The following TEK variants were observed in gnomAD, a reference collection of about 807,000 sequenced individuals.
TEK encodes TEK receptor tyrosine kinase, also known as angiopoietin-1 receptor.
Under a neutral mutation model 131.8 loss-of-function variants are expected in TEK, and 43 were observed. The observed-to-expected ratio is 0.33, with a 90% CI of 0.26 to 0.42. The LOEUF (loss-of-function observed/expected upper bound fraction) is 0.42. Among genes scored for constraint, TEK ranks in the 10% least tolerant of loss-of-function variants. The pLI is 1.00. For missense variants in TEK, 1,162 were observed against 1,384.4 expected (o/e 0.84, Z 2.55); for synonymous variants, 580 against 491.6 (o/e 1.18, Z -2.38).
intron 1 of TEK, among the ~76,000 whole-genome samples, chr9:27,149,566 A>T (rs979840785): frequency 6.6e-6 from 1 of 152,160 alleles, no homozygotes; most frequent in East Asian, 1.9e-4. Context: ...AATTTCTTCC[A>T]TTATAGACTC....
intron 1 of TEK, among the ~76,000 whole-genome samples, chr9:27,141,042 C>T (rs1487845052): frequency 6.6e-6 from 1 of 151,668 alleles, no homozygotes; most frequent in South Asian, 2.1e-4. Flanking sequence ...GATTTTTGTT[C>T]TAAGTGAATG....
chr9:27,150,923 C>T (rs1479745305), intron 1 of TEK, among the ~76,000 whole-genome samples: 4 of 152,086 alleles, frequency 2.6e-5, no homozygotes, highest in Non-Finnish European at 4.4e-5. Flanking sequence ...ACAAGGGTGC[C>T]ATTTGGCTGG....
At chr9:27,116,298 T>TC (rs1564033140) in intron 1 of TEK, among the ~76,000 whole-genome samples, 1 of 152,128 alleles carries the variant, frequency 6.6e-6, no homozygotes, top group African/African-American at 2.4e-5. Context: ...AAAGGAAGTT[T>TC]TTTTTTTTGA....
chr9:27,136,596 G>C (rs1047743950), intron 1 of TEK, among the ~76,000 whole-genome samples: 21 of 152,256 alleles, frequency 1.4e-4, no homozygotes, highest in African/African-American at 4.8e-4. Context: ...CATAAATACA[G>C]AGACACGGGG....
intron 1 of TEK, among the ~76,000 whole-genome samples, chr9:27,147,115 T>A (rs1382843931): frequency 1.3e-5 from 2 of 152,198 alleles, no homozygotes; most frequent in Admixed American, 1.3e-4. Context: ...AGTGTATGTT[T>A]AACTTTATAA....
chr9:27,129,140 G>T (rs931218280), intron 1 of TEK, among the ~76,000 whole-genome samples: 5 of 152,128 alleles, frequency 3.3e-5, no homozygotes, highest in Admixed American at 2.0e-4. Flanking sequence ...AATATTTTGA[G>T]ATATGTCCTA....
chr9:27,196,210 C>T (rs775470564), intron 11 of TEK, among the ~76,000 whole-genome samples: 25 of 152,222 alleles, frequency 1.6e-4, no homozygotes, highest in Non-Finnish European at 3.1e-4. Flanking sequence ...TAACTTTTAG[C>T]ATGCCTACAT....
At chr9:27,205,156 A>ATAAAG in intron 14 of TEK, 91 bp downstream of exon 14, 2 of 1,481,950 alleles carry the variant, frequency 1.3e-6, no homozygotes, top group South Asian at 2.3e-5. Context: ...AAATTTACTT[A>ATAAAG]TAAAGTAAAT....
chr9:27,123,048 G>A, intron 1 of TEK, among the ~76,000 whole-genome samples: 1 of 45,092 alleles, frequency 2.2e-5, no homozygotes, highest in Non-Finnish European at 3.5e-5. Context: ...GCGAGACTCT[G>A]TCTCAAAAAA....
At chr9:27,201,206 G>GA (rs1382935224) in intron 12 of TEK, among the ~76,000 whole-genome samples, 2 of 151,536 alleles carry the variant, frequency 1.3e-5, no homozygotes, top group Non-Finnish European at 2.9e-5. Context: ...GGTTTATTGA[G>GA]CTATCCCTAA....
intron 20 of TEK, among the ~76,000 whole-genome samples, chr9:27,219,770 T>C (rs1189645372): frequency 2.0e-5 from 1 of 49,796 alleles, no homozygotes; most frequent in Non-Finnish European, 4.9e-5. Flanking sequence ...GTTAATCTTA[T>C]TGGTATAATA....
At chr9:27,135,561 T>A (rs914380086) in intron 1 of TEK, among the ~76,000 whole-genome samples, 3 of 152,212 alleles carry the variant, frequency 2.0e-5, no homozygotes, top group African/African-American at 7.2e-5. Flanking sequence ...TCCATAAAAT[T>A]TACGAAAATT....
intron 5 of TEK, among the ~76,000 whole-genome samples, chr9:27,172,956 G>A (rs367664096): frequency 2.6e-5 from 4 of 152,052 alleles, no homozygotes; most frequent in South Asian, 2.1e-4. Flanking sequence ...ATACAGATCC[G>A]TGATGTTTAC....
chr9:27,164,672 A>G (rs1366677706), intron 2 of TEK, among the ~76,000 whole-genome samples: 2 of 152,068 alleles, frequency 1.3e-5, no homozygotes, highest in Non-Finnish European at 2.9e-5. Flanking sequence ...TGGGACTACA[A>G]GCATGTGCTA....
intron 1 of TEK, among the ~76,000 whole-genome samples, chr9:27,118,173 G>A (rs974484332): frequency 6.6e-6 from 1 of 152,126 alleles, no homozygotes; most frequent in African/African-American, 2.4e-5. Context: ...AAAACAATAA[G>A]AGTACCAGTA....
At chr9:27,222,679 AC>A (rs1201724464) in intron 21 of TEK, among the ~76,000 whole-genome samples, 4 of 152,204 alleles carry the variant, frequency 2.6e-5, no homozygotes, top group Admixed American at 2.6e-4. Flanking sequence ...TTTTGTCACC[AC>A]CAGGCATACC....
chr9:27,211,811 C>G (rs1349283459), intron 16 of TEK, among the ~76,000 whole-genome samples: 1 of 150,678 alleles, frequency 6.6e-6, no homozygotes, highest in South Asian at 2.1e-4. Context: ...CATGGTTTGC[C>G]CAAAAAATTC....
intron 11 of TEK, 58 bp from the exon 12 acceptor site, chr9:27,197,257 A>G (rs1436306729): frequency 5.1e-6 from 8 of 1,580,574 alleles, no homozygotes; most frequent in African/African-American, 2.7e-5. Context: ...GGGTGGGGAC[A>G]CTAATCCAAA....
rs559682563 is a variant in TEK at position 27,150,597 on chromosome 9, G to C, written c.53-7234G>C. ...CTGCACTGCAGCCTGGGTGACAAGA[G>C]TGAGACACTGTCTCAAAAAAATAAG... On this transcript the variant is annotated intron_variant, in intron 1 of 22. Transcript: ENST00000380036. Among the ~76,000 whole-genome samples, 10 of 152,270 alleles carry C rather than the reference G, an allele frequency of 6.6e-5. No individual in the cohort carries two copies. In the South Asian group the frequency reaches 1.9e-3, roughly 28 times the overall value.
Sources: allele counts gnomAD v4.1 joint callset (sites outside exome capture counted in the v4.1 genomes callset), GRCh38; gene constraint gnomAD v4.1.1; transcripts MANE v1.5; gene names NCBI Gene and HGNC (gene_info 2026-07-23, HGNC 2026-07-21).